LINGO2: variants seen among roughly 807,000 people sequenced by gnomAD.
LINGO2 encodes the protein leucine rich repeat and Ig domain containing 2.
Under a neutral mutation model 30.6 loss-of-function variants are expected in LINGO2, and 14 were observed. The observed-to-expected ratio is 0.46, with a 90% CI of 0.30 to 0.72. LINGO2 has a LOEUF of 0.72. Among genes scored for constraint, LINGO2 ranks in the 30% least tolerant of loss-of-function variants. The pLI is 0.07. For missense variants in LINGO2, 729 were observed against 751.7 expected, an observed-to-expected ratio of 0.97 and a Z score of 0.35; for synonymous variants, 317 against 288.5, an observed-to-expected ratio of 1.10 and a Z score of -1.00.
the LINGO2 span, among the ~76,000 whole-genome samples, chr9:28,999,981 A>C: frequency 0.64 from 97,438 of 151,678 alleles, 32,081 homozygotes; most frequent in Non-Finnish European, 0.72. Flanking sequence ...AACTCTCAAA[A>C]TTCTTCCCTA....
the LINGO2 span, among the ~76,000 whole-genome samples, chr9:29,211,121 G>A: frequency 3.3e-5 from 5 of 151,812 alleles, no homozygotes; most frequent in African/African-American, 7.3e-5. Flanking sequence ...CTAAATATTC[G>A]TCTTTGTTAA....
chr9:28,573,501 C>T (rs964585929), intron 1 of LINGO2, among the ~76,000 whole-genome samples: 3 of 152,028 alleles, frequency 2.0e-5, no homozygotes, highest in Non-Finnish European at 4.4e-5. Flanking sequence ...AACAAAAATT[C>T]CCTGAATTTT....
chr9:28,479,258 G>T (rs1231123698), intron 1 of LINGO2, among the ~76,000 whole-genome samples: 1 of 151,792 alleles, frequency 6.6e-6, no homozygotes. Flanking sequence ...ATTCAGTTAT[G>T]CTCAGCCTTG....
intron 3 of LINGO2, among the ~76,000 whole-genome samples, chr9:28,318,734 A>G (rs1025933746): frequency 8.5e-5 from 13 of 152,214 alleles, no homozygotes; most frequent in African/African-American, 1.4e-4. Flanking sequence ...AGAGATCCCT[A>G]TATTTGAAAA....
At chr9:28,376,850 C>G (rs1484382001) in intron 2 of LINGO2, among the ~76,000 whole-genome samples, 1 of 152,114 alleles carries the variant, frequency 6.6e-6, no homozygotes, top group Non-Finnish European at 1.5e-5. Context: ...TCCATTATAT[C>G]TTTCTACCTA....
chr9:28,646,553 T>C (rs926498879), intron 1 of LINGO2, among the ~76,000 whole-genome samples: 2 of 152,178 alleles, frequency 1.3e-5, no homozygotes, highest in African/African-American at 2.4e-5. Flanking sequence ...ACTAACATGA[T>C]ATGAACCAAC....
intron 3 of LINGO2, among the ~76,000 whole-genome samples, chr9:28,324,758 A>G (rs1825165563): frequency 6.6e-6 from 1 of 152,164 alleles, no homozygotes; most frequent in South Asian, 2.1e-4. Context: ...CAGAAAACTC[A>G]TGAATAAACT....
At chr9:29,132,245 G>A in the LINGO2 span, among the ~76,000 whole-genome samples, 35 of 152,068 alleles carry the variant, frequency 2.3e-4, no homozygotes, top group Non-Finnish European at 4.6e-4. Context: ...ATAAGGTCTG[G>A]AGGCAGGGAA....
chr9:28,830,711 C>T, the LINGO2 span, among the ~76,000 whole-genome samples: 168 of 152,260 alleles, frequency 1.1e-3, 1 homozygote, highest in African/African-American at 3.9e-3. Flanking sequence ...CTTCTCCTGA[C>T]GTCTCCCCAA....
chr9:29,126,691 G>T, the LINGO2 span, among the ~76,000 whole-genome samples: 2 of 151,918 alleles, frequency 1.3e-5, no homozygotes, highest in Non-Finnish European at 2.9e-5. Flanking sequence ...AAGGGGGAAA[G>T]AAAAAATACA....
At chr9:28,213,309 A>C (rs1486666768) in intron 4 of LINGO2, among the ~76,000 whole-genome samples, 1 of 151,478 alleles carries the variant, frequency 6.6e-6, no homozygotes, top group Admixed American at 6.6e-5. Flanking sequence ...TTTTCTAGAA[A>C]AAAAATTAAC....
chr9:28,580,818 C>G (rs1824223059), intron 1 of LINGO2, among the ~76,000 whole-genome samples: 1 of 151,988 alleles, frequency 6.6e-6, no homozygotes, highest in Non-Finnish European at 1.5e-5. Flanking sequence ...GAGGAACAAA[C>G]TGAGCCACGA....
At chr9:29,098,754 A>G in the LINGO2 span, among the ~76,000 whole-genome samples, 897 of 152,264 alleles carry the variant, frequency 5.9e-3, 8 homozygotes, top group African/African-American at 0.021. Flanking sequence ...GATACTTTTT[A>G]TGAGGATAAT....
chr9:27,984,884 T>G (rs1821049850), intron 5 of LINGO2, among the ~76,000 whole-genome samples: 1 of 151,878 alleles, frequency 6.6e-6, no homozygotes, highest in South Asian at 2.1e-4. Flanking sequence ...TTGCCCAAGG[T>G]CACAACATTG....
the LINGO2 span, among the ~76,000 whole-genome samples, chr9:29,112,560 T>C: frequency 1.0e-3 from 159 of 152,344 alleles, no homozygotes; most frequent in Non-Finnish European, 1.8e-3. Flanking sequence ...CAAAAAGTTG[T>C]GCCACTTGTT....
chr9:28,812,884 T>G, the LINGO2 span, among the ~76,000 whole-genome samples: 4 of 152,130 alleles, frequency 2.6e-5, no homozygotes, highest in Admixed American at 1.3e-4. Context: ...GCAGCACCTG[T>G]GTGTCACTGA....
At chr9:29,036,808 G>A in the LINGO2 span, among the ~76,000 whole-genome samples, 3,319 of 151,942 alleles carry the variant, frequency 0.022, 117 homozygotes, top group African/African-American at 0.074. Flanking sequence ...CTATAATTAA[G>A]TTAGGAAATA....
intron 5 of LINGO2, among the ~76,000 whole-genome samples, chr9:27,968,851 A>C (rs1213261539): frequency 2.0e-5 from 3 of 151,602 alleles, no homozygotes; most frequent in Non-Finnish European, 1.5e-5. Flanking sequence ...TCTACCTTTA[A>C]AACATTTATA....
At chr9:28,174,921 T>TGTGTGTGAGA (rs962695032) in intron 4 of LINGO2, among the ~76,000 whole-genome samples, 6 of 133,308 alleles carry the variant, frequency 4.5e-5, no homozygotes, top group African/African-American at 1.7e-4. Context: ...TGTGTGTGTG[T>TGTGTGTGAGA]GAGAGAGAGA....
Sources: gnomAD v4.1 joint callset for allele counts (sites outside exome capture counted in the v4.1 genomes callset) on GRCh38, gnomAD v4.1.1 for gene constraint, MANE v1.5 for transcripts, NCBI Gene and HGNC (gene_info 2026-07-23, HGNC 2026-07-21) for gene names.